HECTD4: variants seen among roughly 807,000 people sequenced by gnomAD.
HECTD4 encodes the protein probable E3 ubiquitin-protein ligase HECTD4.
Under a neutral mutation model 471.5 loss-of-function variants are expected in HECTD4, and 114 were observed. That is an observed-to-expected ratio of 0.24 (90% CI 0.21 to 0.28). The LOEUF is 0.28. Ranked by LOEUF, HECTD4 falls within the 10% of genes least tolerant of loss-of-function variation. The pLI is 1.00. For synonymous variants in HECTD4, 2,012 were observed against 2,256.0 expected (o/e 0.89, Z 3.07); for missense variants, 3,866 against 5,651.5 (o/e 0.68, Z 10.13).
Position 112,308,855 on chromosome 12 carries a change from T to C in HECTD4, c.1062A>G (p.Pro354=), listed in dbSNP as rs2035320429. The change falls in exon 6 of 76, where the codon CCA becomes CCG. Residue 354 remains proline, a synonymous_variant. Transcript: ENST00000682272. ...TGCCGCTGCCAAAAGCCACCCATCC[T>C]GGTTCCAACTCCTCGTTCCGGCAGT... ...FVYCRNEELE[P]GWVAFGSGSL... 4 of 1,535,976 alleles carry C rather than the reference T, an allele frequency of 2.6e-6. No homozygotes were observed. The South Asian group carries it at 4.8e-5, about 18-fold the overall frequency.
In HECTD4 at chr12:112,254,166, C is replaced by T. The variant is rs777932983; in HGVS notation, c.3328-4G>A. On this transcript the variant is annotated splice_region_variant and splice_polypyrimidine_tract_variant and intron_variant, in intron 21 of 75. Coordinates refer to ENST00000682272, the MANE Select transcript of HECTD4 (RefSeq NM_001388303.1). ...TAGGCCCCGCATATATCACCAACTT[C>T]AAAACAGAAAATATACTGTTAGACT... is the stretch of plus-strand genomic sequence containing the variant. 1.9e-6 allele frequency: 3 copies of T among 1,613,354 alleles called. No individual in the cohort carries two copies. The highest frequency in any genetic ancestry group is 1.7e-6 in the Non-Finnish European group (2 of 1,179,586).
chr12:112,204,108 T>A (rs1202271187), intron 53 of HECTD4, among the ~76,000 whole-genome samples: 1 of 152,098 alleles, frequency 6.6e-6, no homozygotes, highest in Non-Finnish European at 1.5e-5. Flanking sequence ...AGTGGTGTGA[T>A]CTCGGCTCAC....
intron 54 of HECTD4, chr12:112,201,456 G>C (rs1227779686): frequency 6.6e-6 from 1 of 151,878 alleles, no homozygotes; most frequent in Non-Finnish European, 1.5e-5. Flanking sequence ...TACTAGAAAG[G>C]CCAAAAGCCA....
intron 48 of HECTD4, 32 bp downstream of exon 48, chr12:112,216,260 A>T: frequency 7.0e-7 from 1 of 1,430,590 alleles, no homozygotes; most frequent in South Asian, 1.2e-5. Context: ...CAACAGAATC[A>T]CACAGGGTGG....
In HECTD4 at chr12:112,179,981, A is replaced by AT. The variant is rs767300446; in HGVS notation, c.10988-585dup. On this transcript the variant is annotated intron_variant, in intron 62 of 75. Coordinates refer to ENST00000682272, the MANE Select transcript of HECTD4 (RefSeq NM_001388303.1). The surrounding 1 kb of genome is among the most constrained non-coding windows in gnomAD (Gnocchi z 4.3). Reference sequence around the variant, plus strand: ...ACTGTCTATAAGCACCAGAAAAAATATTTTTTTGTCCCCAAACAAGCACTC... The same window carrying AT: ...ACTGTCTATAAGCACCAGAAAAAATATTTTTTTTGTCCCCAAACAAGCACTC... 5.5e-4 allele frequency among the ~76,000 whole-genome samples: 84 copies of AT among 152,304 alleles called. No individual in the cohort carries two copies. The highest frequency in any genetic ancestry group is 5.8e-4 in the East Asian group (3 of 5,188).
At chr12:112,259,885 G>A (rs1174867361) in intron 18 of HECTD4, among the ~76,000 whole-genome samples, 1 of 151,970 alleles carries the variant, frequency 6.6e-6, no homozygotes, top group Non-Finnish European at 1.5e-5. Flanking sequence ...ATCCATTACT[G>A]GTCTAGAGAA....
rs2031603685 is a variant in HECTD4 at position 112,179,908 on chromosome 12, A to C, written c.10988-511T>G. On this transcript the variant is annotated intron_variant, in intron 62 of 75. Transcript: ENST00000682272. This position sits in a 1 kb window ranked among gnomAD's most constrained non-coding sequence, Gnocchi z 4.3. ...CTCATTCATAGGAAATATTCTTCAA[A>C]ACTGGCGCAATGAGCAGGTGAAAAA... Among the ~76,000 whole-genome samples the C allele has an allele frequency of 6.6e-6, 1 of 152,226 alleles. No homozygotes were observed. Among genetic ancestry groups the C allele is most frequent in the African/African-American group, 2.4e-5 (1 of 41,450 alleles).
At chr12:112,373,837 T>C (rs928922215) in intron 1 of HECTD4, among the ~76,000 whole-genome samples, 3 of 151,588 alleles carry the variant, frequency 2.0e-5, no homozygotes, top group Non-Finnish European at 2.9e-5. Context: ...AAACCCTGTG[T>C]CTGCTAAAAA....
At chr12:112,321,718 C>T (rs1214448597) in intron 1 of HECTD4, 2 of 151,984 alleles carry the variant, frequency 1.3e-5, no homozygotes, top group East Asian at 3.9e-4. Context: ...GCTGTAATTG[C>T]CTTGCTTAGC....
intron 62 of HECTD4, among the ~76,000 whole-genome samples, chr12:112,180,799 A>T (rs1277767130): frequency 6.6e-6 from 1 of 152,210 alleles, no homozygotes; most frequent in Non-Finnish European, 1.5e-5. Context: ...GAGGGGGCAA[A>T]ACGCACGCCA....
intron 72 of HECTD4, among the ~76,000 whole-genome samples, chr12:112,165,630 C>T (rs996527231): frequency 3.3e-5 from 5 of 151,416 alleles, no homozygotes; most frequent in Non-Finnish European, 7.4e-5. Context: ...GGATTACAGG[C>T]GTGAGCCACC....
rs1054301503 is a variant in HECTD4, at chr12:112,243,165, G to A, written c.4958+188C>T. Among the ~76,000 whole-genome samples, 4 of 152,142 alleles carry A rather than the reference G, an allele frequency of 2.6e-5. No homozygotes were observed. Among genetic ancestry groups the A allele is most frequent in the African/African-American group, 9.7e-5 (4 of 41,424 alleles). On this transcript the variant is annotated intron_variant, in intron 32 of 75. Transcript: ENST00000682272. This position sits in a 1 kb window ranked among gnomAD's most constrained non-coding sequence, Gnocchi z 6.6. ...AGAGTGGAATTCAGGAGAAGAAGGT[G>A]AATACTGAGAGTTTTACGTTCTATT...
intron 38 of HECTD4, among the ~76,000 whole-genome samples, 153 bp downstream of exon 38, chr12:112,232,851 T>C (rs998506613): frequency 6.6e-6 from 1 of 152,252 alleles, no homozygotes; most frequent in African/African-American, 2.4e-5. Flanking sequence ...CTCTTTAAAA[T>C]GGCCTCAGTT....
At chr12:112,234,822 T>G (rs1170549488) in intron 37 of HECTD4, among the ~76,000 whole-genome samples, 3 of 152,220 alleles carry the variant, frequency 2.0e-5, no homozygotes, top group Non-Finnish European at 4.4e-5. Context: ...GCTTTAGCTC[T>G]CAGTTGCACT....
chr12:112,203,668 C>T lies in HECTD4; in HGVS notation c.8374G>A (p.Gly2792Arg). 1 of 1,613,412 alleles carries T rather than the reference C, an allele frequency of 6.2e-7. No individual in the cohort carries two copies. Among genetic ancestry groups the T allele is most frequent in the African/African-American group, 1.3e-5 (1 of 74,996 alleles). Reference sequence around the variant, plus strand: ...ACATCTAAGACGACTCCATGAAGCCCAAAGGTTTTCAGCATCCCTCGGATG... The same window carrying T: ...ACATCTAAGACGACTCCATGAAGCCTAAAGGTTTTCAGCATCCCTCGGATG... Reference protein sequence around the residue: ...FAIRGMLKTFGLHGVVLDVDS... With the variant: ...FAIRGMLKTFRLHGVVLDVDS... The change falls in exon 54 of 76, where the codon GGG becomes AGG. Residue 2792 changes from glycine to arginine, a missense_variant. Around this residue, in one of 16 missense-constraint regions of HECTD4, gnomAD observed 266 missense variants for 441.6 expected, o/e 0.60. Coordinates refer to ENST00000682272, the MANE Select transcript of HECTD4 (RefSeq NM_001388303.1).
chr12:112,191,033 G>T, intron 59 of HECTD4, 68 bp from the exon 60 acceptor site: 1 of 1,339,112 alleles, frequency 7.5e-7, no homozygotes, highest in Non-Finnish European at 1.0e-6. Flanking sequence ...CTCACAAAAG[G>T]TCCTGCCAGG....
intron 4 of HECTD4, among the ~76,000 whole-genome samples, chr12:112,311,704 T>C (rs796802604): frequency 5.4e-5 from 8 of 149,512 alleles, no homozygotes; most frequent in African/African-American, 2.0e-4. Context: ...AAACCAAAGG[T>C]TCAGGAAAAT....
chr12:112,247,127 C>A, intron 28 of HECTD4, 51 bp from the exon 29 acceptor site: 1 of 1,378,072 alleles, frequency 7.3e-7, no homozygotes, highest in Admixed American at 2.4e-5. Flanking sequence ...TTATCAAAAA[C>A]AACTATTAAA....
At chr12:112,354,846 T>C (rs2036306004) in intron 1 of HECTD4, among the ~76,000 whole-genome samples, 1 of 152,158 alleles carries the variant, frequency 6.6e-6, no homozygotes, top group Non-Finnish European at 1.5e-5. Context: ...CAAATCATCA[T>C]AAATATTAAG....
Sources: allele counts gnomAD v4.1 joint callset (sites outside exome capture counted in the v4.1 genomes callset), GRCh38; gene constraint gnomAD v4.1.1; regional missense constraint gnomAD v4.1.1; non-coding constraint Gnocchi (gnomAD v3.1); transcripts MANE v1.5; gene names NCBI Gene and HGNC (gene_info 2026-07-23, HGNC 2026-07-21).